WDR7: variants seen among roughly 807,000 people sequenced by gnomAD.
WDR7 encodes WD repeat-containing protein 7.
WDR7 carries 46 observed loss-of-function variants against 169.4 expected under a neutral mutation model. The observed-to-expected ratio is 0.27, with a 90% CI of 0.21 to 0.35. The LOEUF (loss-of-function observed/expected upper bound fraction) is 0.35. WDR7 is among the 10% of genes least tolerant of loss of function. The pLI, the probability that WDR7 is intolerant of heterozygous loss-of-function variation, is 1.00. For missense variants in WDR7, 1,534 were observed against 1,859.3 expected, an observed-to-expected ratio of 0.83 and a Z score of 3.22; for synonymous variants, 612 against 666.8, an observed-to-expected ratio of 0.92 and a Z score of 1.27.
At position 56,938,675 on chromosome 18, in the gene WDR7, T is replaced by C. The variant is rs765677841; in HGVS notation, c.3974T>C (p.Leu1325Pro). Residue 1325 changes from leucine (L) to proline (P), a missense_variant, in exon 24 of 28, where the codon CTC (leucine) becomes CCC (proline). Physicochemically the swap from Leu to Pro is moderately conservative, Grantham distance 98 (BLOSUM62 -3). Transcript: ENST00000254442. ...EKMPTDVVDL[L>P]VEVMDIIMYC... is the part of the protein sequence containing the mutation. ...ATGCCCACAGATGTTGTGGATCTTCTCGTGGAGGTAAGAATATCCTGTTTT... is the reference window on the plus strand; with the variant it reads ...ATGCCCACAGATGTTGTGGATCTTCCCGTGGAGGTAAGAATATCCTGTTTT... 6.2e-7 allele frequency: 1 copy of C among 1,613,624 alleles called. No individual in the cohort carries two copies. Among genetic ancestry groups the C allele is most frequent in the Non-Finnish European group, 8.5e-7 (1 of 1,179,804 alleles).
At chr18:56,891,744 C>T (rs1183947485) in intron 21 of WDR7, among the ~76,000 whole-genome samples, 5 of 152,004 alleles carry the variant, frequency 3.3e-5, no homozygotes, top group Non-Finnish European at 7.4e-5. Flanking sequence ...CTGATTTTCA[C>T]TGTTTGTGGT....
At chr18:56,964,038 A>G (rs1442989214) in intron 26 of WDR7, among the ~76,000 whole-genome samples, 1 of 151,818 alleles carries the variant, frequency 6.6e-6, no homozygotes, top group Non-Finnish European at 1.5e-5. Flanking sequence ...CACAGCTGCC[A>G]TCAGCAGAGG....
At chr18:56,890,370 A>G (rs1049836133) in intron 21 of WDR7, among the ~76,000 whole-genome samples, 2 of 152,264 alleles carry the variant, frequency 1.3e-5, no homozygotes, top group Admixed American at 6.5e-5. Flanking sequence ...TGCATATTTT[A>G]TTTAATGAAT....
intron 1 of WDR7, among the ~76,000 whole-genome samples, chr18:56,659,254 GAACTAGTTGACAAGA>G (rs1455747550): frequency 6.6e-6 from 1 of 152,180 alleles, no homozygotes; most frequent in East Asian, 1.9e-4. Flanking sequence ...TATTATAGAA[GAACTAGTTGACAAGA>G]AACTGCCCTG....
In WDR7 at chr18:56,816,014, A is replaced by G. The variant is rs1244442182; in HGVS notation, c.3191-17A>G. ...TCATTTTTTGAAGTGAAGCCTTGTG[A>G]TTCATATTTGTTTTAGCTGGAGTCA... On this transcript the variant is annotated splice_polypyrimidine_tract_variant and intron_variant, in intron 19 of 27. Coordinates refer to ENST00000254442, the MANE Select transcript of WDR7 (RefSeq NM_015285.3). 1.9e-6 allele frequency: 3 copies of G among 1,560,892 alleles called. No individual in the cohort carries two copies. Among genetic ancestry groups the G allele is most frequent in the Admixed American group, 4.3e-5 (2 of 46,968 alleles).
chr18:56,999,752 C>T (rs148733677), intron 26 of WDR7, among the ~76,000 whole-genome samples: 4 of 152,166 alleles, frequency 2.6e-5, no homozygotes, highest in African/African-American at 7.2e-5. Context: ...TCCAACAATA[C>T]CAAGGAGACA....
intron 20 of WDR7, among the ~76,000 whole-genome samples, chr18:56,823,208 C>T (rs1259574722): frequency 6.6e-6 from 1 of 152,122 alleles, no homozygotes; most frequent in Non-Finnish European, 1.5e-5. Flanking sequence ...TATCTCCAAC[C>T]TAGCCTTCTC....
chr18:56,861,774 A>G (rs2045807295), intron 20 of WDR7, among the ~76,000 whole-genome samples: 2 of 152,182 alleles, frequency 1.3e-5, no homozygotes, highest in Admixed American at 1.3e-4. Context: ...AAAAATAAGT[A>G]TCATAATATT....
At chr18:56,934,668 T>C (rs2046934089) in intron 22 of WDR7, among the ~76,000 whole-genome samples, 1 of 152,096 alleles carries the variant, frequency 6.6e-6, no homozygotes, top group African/African-American at 2.4e-5. Context: ...AGAGAATGCC[T>C]ACATAATTTT....
At position 56,866,305 on chromosome 18, in the gene WDR7, A is replaced by G. The variant is rs557784607; in HGVS notation, c.3305-13639A>G. ...AGATGCTTTACACACTCAGCTTCCA[A>G]TATGTTTTTTGTTTTTTTAAATCTT... is the stretch of plus-strand genomic sequence containing the variant. On this transcript the variant is annotated intron_variant, in intron 20 of 27. Coordinates refer to ENST00000254442, the MANE Select transcript of WDR7 (RefSeq NM_015285.3). Among the ~76,000 whole-genome samples, 8 of 152,070 alleles carry G rather than the reference A, an allele frequency of 5.3e-5. No homozygotes were observed. In the East Asian group the frequency reaches 1.2e-3, roughly 22 times the overall value.
chr18:56,697,215 A>G (rs1402262382), intron 12 of WDR7, among the ~76,000 whole-genome samples: 1 of 152,184 alleles, frequency 6.6e-6, no homozygotes, highest in Non-Finnish European at 1.5e-5. Context: ...ATCATAATTC[A>G]TTCACCGTCA....
intron 25 of WDR7, among the ~76,000 whole-genome samples, chr18:56,951,241 A>G (rs1163434991): frequency 6.6e-6 from 1 of 152,154 alleles, no homozygotes; most frequent in Non-Finnish European, 1.5e-5. Flanking sequence ...TAGGCCCTTA[A>G]GAACAGGGAA....
chr18:56,880,299 A>C, intron 21 of WDR7, 134 bp downstream of exon 21: 1 of 795,846 alleles, frequency 1.3e-6, no homozygotes, highest in Non-Finnish European at 2.0e-6. Context: ...AAAGCAGTAC[A>C]ATCTGGCACA....
At chr18:56,727,987 C>A (rs1194725355) in intron 13 of WDR7, among the ~76,000 whole-genome samples, 2 of 152,140 alleles carry the variant, frequency 1.3e-5, no homozygotes, top group Non-Finnish European at 2.9e-5. Flanking sequence ...TTAGTTCTTC[C>A]TTCACCTTAA....
chr18:56,916,162 C>A (rs2046622088), intron 21 of WDR7, among the ~76,000 whole-genome samples: 1 of 152,146 alleles, frequency 6.6e-6, no homozygotes, highest in South Asian at 2.1e-4. Flanking sequence ...TACATGTGCA[C>A]AACGTGCAGT....
intron 21 of WDR7, among the ~76,000 whole-genome samples, chr18:56,912,822 A>G (rs1408085516): frequency 2.6e-5 from 4 of 152,108 alleles, no homozygotes; most frequent in African/African-American, 4.8e-5. Context: ...TTCTGTAGGT[A>G]TCACATCCAG....
intron 16 of WDR7, among the ~76,000 whole-genome samples, chr18:56,765,601 T>G (rs893871403): frequency 2.0e-5 from 3 of 152,134 alleles, no homozygotes; most frequent in Non-Finnish European, 2.9e-5. Context: ...CCTCACAAAT[T>G]ATTCTTGTGA....
chr18:56,840,383 A>G (rs1196722435), intron 20 of WDR7, among the ~76,000 whole-genome samples: 1 of 152,238 alleles, frequency 6.6e-6, no homozygotes, highest in Non-Finnish European at 1.5e-5. Context: ...AGGCACTGAT[A>G]ATCCAAAAAA....
At chr18:56,751,562 G>A (rs1161009443) in intron 14 of WDR7, among the ~76,000 whole-genome samples, 1 of 152,048 alleles carries the variant, frequency 6.6e-6, no homozygotes, top group Non-Finnish European at 1.5e-5. Context: ...CCCAGTGTCA[G>A]GTCTGTCTAC....
Sources: gnomAD v4.1 joint callset for allele counts (sites outside exome capture counted in the v4.1 genomes callset) on GRCh38, gnomAD v4.1.1 for gene constraint, MANE v1.5 for transcripts, NCBI Gene and HGNC (gene_info 2026-07-23, HGNC 2026-07-21) for gene names.